Variants in KLF13 observed in about 807,000 individuals in gnomAD.
KLF13 encodes Krueppel-like factor 13.
In KLF13, 8 loss-of-function variants were observed where a neutral mutation model predicts 16.7. That is an observed-to-expected ratio of 0.48 (90% CI 0.28 to 0.87). The LOEUF is 0.87. KLF13 is among the 40% of genes least tolerant of loss of function. The pLI is 0.10. For missense variants in KLF13, 447 were observed against 452.2 expected, an observed-to-expected ratio of 0.99 and a Z score of 0.10; for synonymous variants, 245 against 208.4, an observed-to-expected ratio of 1.18 and a Z score of -1.51.
chr15:31,379,523 G>A (rs1566827221), downstream of KLF13, among the ~76,000 whole-genome samples: 1 of 152,156 alleles, frequency 6.6e-6, no homozygotes, highest in East Asian at 1.9e-4. Context: ...AAGACTGGGG[G>A]ACCCACCATT....
chr15:31,419,738 G>A (rs551524365), intron 1 of KLF13, among the ~76,000 whole-genome samples: 10 of 152,194 alleles, frequency 6.6e-5, no homozygotes, highest in East Asian at 1.9e-4. Flanking sequence ...GAGAGCAAAG[G>A]GCAGAGAGCT....
chr15:31,358,715 A>G (rs1233569842), intron 1 of KLF13, among the ~76,000 whole-genome samples: 1 of 152,242 alleles, frequency 6.6e-6, no homozygotes, highest in Non-Finnish European at 1.5e-5. Flanking sequence ...GTAATTGTGG[A>G]TTCCAACCTC....
downstream of KLF13, among the ~76,000 whole-genome samples, chr15:31,382,458 T>C (rs145469687): frequency 2.0e-5 from 3 of 152,300 alleles, no homozygotes; most frequent in East Asian, 5.8e-4. Context: ...CCTTTTAAGC[T>C]CTGAGTTCTA....
downstream of KLF13, among the ~76,000 whole-genome samples, chr15:31,405,671 G>A (rs1466205107): frequency 6.6e-6 from 1 of 152,116 alleles, no homozygotes; most frequent in South Asian, 2.1e-4. Context: ...CTCTGGTGAG[G>A]GCTGCCAGGT....
chr15:31,420,364 TA>T, intron 1 of KLF13: 1 of 1,131,426 alleles, frequency 8.8e-7, no homozygotes, highest in Non-Finnish European at 1.3e-6. Flanking sequence ...ACCTGAGGTA[TA>T]AGCTCTTGCT....
At chr15:31,366,891 G>A (rs1315007399) in intron 1 of KLF13, among the ~76,000 whole-genome samples, 2 of 152,250 alleles carry the variant, frequency 1.3e-5, no homozygotes, top group African/African-American at 2.4e-5. Flanking sequence ...CATAACAATA[G>A]CACTGTTTGC....
intron 1 of KLF13, among the ~76,000 whole-genome samples, chr15:31,412,379 C>G (rs1350953274): frequency 6.6e-6 from 1 of 150,674 alleles, no homozygotes; most frequent in Non-Finnish European, 1.5e-5. Context: ...CATGGCAAGA[C>G]AAGACATAAA....
intron 1 of KLF13, among the ~76,000 whole-genome samples, chr15:31,421,742 A>G (rs1374085093): frequency 1.3e-5 from 2 of 152,176 alleles, no homozygotes; most frequent in Non-Finnish European, 2.9e-5. Flanking sequence ...AATAACTGCA[A>G]AGTATACAAA....
intron 1 of KLF13, among the ~76,000 whole-genome samples, chr15:31,333,671 A>G (rs1476107607): frequency 6.6e-6 from 1 of 152,078 alleles, no homozygotes; most frequent in Non-Finnish European, 1.5e-5. Context: ...GTCCATATTC[A>G]GTTCCCCTAG....
Position 31,372,174 on chromosome 15 carries a change from C to T in KLF13, c.742C>T (p.Arg248Cys), listed in dbSNP as rs1247995107. ...CGACCACCTGACCAAGCACGCGCGC[C>T]GCCACGCCAACTTCCACCCGGGAAT... Reference protein sequence around the residue: ...RSDHLTKHARRHANFHPGMLQ... With the variant: ...RSDHLTKHARCHANFHPGMLQ... Residue 248 changes from arginine (R) to cysteine (C), a missense_variant, in exon 2 of 2, where the codon CGC (arginine) becomes TGC (cysteine). Arg to Cys is a radical substitution (Grantham distance 180). Around this residue, in one of 2 missense-constraint regions of KLF13, gnomAD observed 88 missense variants for 169.5 expected, o/e 0.52. Coordinates refer to ENST00000307145, the MANE Select transcript of KLF13 (RefSeq NM_015995.4). The T allele has an allele frequency of 1.2e-6, 2 of 1,612,190 alleles. No homozygotes were observed. Among genetic ancestry groups the T allele is most frequent in the Non-Finnish European group, 1.7e-6 (2 of 1,179,730 alleles).
intron 1 of KLF13, among the ~76,000 whole-genome samples, chr15:31,333,588 A>AT (rs1047141518): frequency 2.0e-5 from 3 of 151,944 alleles, no homozygotes; most frequent in African/African-American, 4.8e-5. Flanking sequence ...AGAAAAATTA[A>AT]TTTTTTGTCT....
intron 1 of KLF13, among the ~76,000 whole-genome samples, chr15:31,329,856 G>A (rs946625100): frequency 3.9e-5 from 6 of 152,202 alleles, no homozygotes; most frequent in Non-Finnish European, 8.8e-5. Context: ...CAGGGCTCCG[G>A]CAGCGGGGTG....
At chr15:31,392,617 G>GCCTGT (rs2039888295), upstream of KLF13, among the ~76,000 whole-genome samples, 1 of 152,238 alleles carries the variant, frequency 6.6e-6, no homozygotes, top group Non-Finnish European at 1.5e-5. Context: ...GACCCCTCAG[G>GCCTGT]CCTGTCCTGG....
At chr15:31,339,120 G>T (rs2038981283) in intron 1 of KLF13, among the ~76,000 whole-genome samples, 1 of 152,136 alleles carries the variant, frequency 6.6e-6, no homozygotes, top group African/African-American at 2.4e-5. Flanking sequence ...CATGGTCAGG[G>T]TCCTCCTACA....
intron 1 of KLF13, among the ~76,000 whole-genome samples, chr15:31,415,230 A>G (rs920127620): frequency 1.3e-5 from 2 of 152,198 alleles, no homozygotes; most frequent in African/African-American, 4.8e-5. Context: ...CTGCAGAACC[A>G]TGAGCTAAAT....
chr15:31,394,391 G>A (rs2039924296), intron 2 of KLF13, among the ~76,000 whole-genome samples: 1 of 152,056 alleles, frequency 6.6e-6, no homozygotes, highest in African/African-American at 2.4e-5. Context: ...GGAGGCTGAG[G>A]CGACAGAATG....
At chr15:31,369,170 C>T (rs778875040) in intron 1 of KLF13, among the ~76,000 whole-genome samples, 7 of 152,178 alleles carry the variant, frequency 4.6e-5, no homozygotes, top group Non-Finnish European at 1.0e-4. Context: ...CATTTAGATA[C>T]GTTCTTTGCA....
chr15:31,423,919 T>TCGG (rs1293049418), intron 1 of KLF13, among the ~76,000 whole-genome samples: 1 of 151,994 alleles, frequency 6.6e-6, no homozygotes, highest in East Asian at 1.9e-4. Context: ...AACTAATAGA[T>TCGG]CAATGAAGAA....
rs2039602983 is a variant in KLF13, at chr15:31,374,025, C to T, written c.*1726C>T. On this transcript the variant is annotated 3_prime_UTR_variant, in exon 2 of 2. Coordinates refer to ENST00000307145, the MANE Select transcript of KLF13 (RefSeq NM_015995.4). ...GATGGGCTTCCTGGGCCTAGCGTGC[C>T]TTGGTTGTGGCCATCCTGCTTCTAC... The T allele has an allele frequency of 6.5e-6, 1 of 152,746 alleles. No individual in the cohort carries two copies. Among genetic ancestry groups the T allele is most frequent in the Admixed American group, 6.5e-5 (1 of 15,288 alleles). 9.5% of individuals were successfully genotyped at this position (152,746 alleles called of 1,614,324 possible).
Sources: gnomAD v4.1 joint callset for allele counts (sites outside exome capture counted in the v4.1 genomes callset) on GRCh38, gnomAD v4.1.1 for gene constraint, gnomAD v4.1.1 regional missense constraint, MANE v1.5 for transcripts, NCBI Gene and HGNC (gene_info 2026-07-23, HGNC 2026-07-21) for gene names.